The following STAG1 variants were observed in gnomAD, a reference collection of about 807,000 sequenced individuals.
STAG1 encodes STAG1 cohesin complex component, also known as cohesin subunit SA-1.
Under a neutral mutation model 170.9 loss-of-function variants are expected in STAG1, and 26 were observed. The ratio of observed to expected loss-of-function variants is 0.15; its 90% CI spans 0.11 to 0.21. STAG1 has a LOEUF of 0.21. Ranked by LOEUF, STAG1 falls within the 10% of genes least tolerant of loss-of-function variation. STAG1 has a pLI of 1.00. For missense variants in STAG1, 964 were observed against 1,509.5 expected (o/e 0.64, Z 5.99); for synonymous variants, 514 against 497.7 (o/e 1.03, Z -0.44).
rs551992495 is a variant in STAG1, at chr3:136,349,629, C to CT, written c.3066-267dup. On this transcript the variant is annotated intron_variant, in intron 28 of 33. Coordinates refer to ENST00000383202, the MANE Select transcript of STAG1 (RefSeq NM_005862.3). ...GGTCTTTCCTATATTTCTTCCTTTG[C>CT]TTTTAAACACCAATGTTAAAAAAAA... is the stretch of plus-strand genomic sequence containing the variant. 3.9e-5 allele frequency among the ~76,000 whole-genome samples: 6 copies of CT among 151,958 alleles called. No homozygotes were observed. In the East Asian group the frequency reaches 1.2e-3, roughly 29 times the overall value.
chr3:136,561,594 A>G (rs1936842045), intron 5 of STAG1, among the ~76,000 whole-genome samples: 2 of 152,216 alleles, frequency 1.3e-5, no homozygotes, highest in Admixed American at 1.3e-4. Flanking sequence ...TGCTTATAAT[A>G]GTTTTGCAAA....
chr3:136,739,866 T>C lies in STAG1; in HGVS notation c.-84+12329A>G, dbSNP rs117571509. ...ATATACATATATACACACACACACA[T>C]ACACACATATATATTACACAGGATA... On this transcript the variant is annotated intron_variant, in intron 1 of 33. Transcript: ENST00000383202. Among the ~76,000 whole-genome samples, 35 of 151,748 alleles carry C rather than the reference T, an allele frequency of 2.3e-4. No homozygotes were observed. In the East Asian group the frequency reaches 4.3e-3, roughly 19 times the overall value.
intron 1 of STAG1, among the ~76,000 whole-genome samples, chr3:136,727,241 T>C (rs796170342): frequency 1.2e-4 from 19 of 152,242 alleles, no homozygotes; most frequent in African/African-American, 3.4e-4. Flanking sequence ...CCTTAAGTAA[T>C]AGGCGAGCTG....
intron 6 of STAG1, among the ~76,000 whole-genome samples, chr3:136,536,275 T>C (rs913014356): frequency 7.2e-5 from 11 of 152,190 alleles, no homozygotes; most frequent in Admixed American, 5.2e-4. Flanking sequence ...AGTACAATTC[T>C]ATAACTTACT....
At chr3:136,518,732 G>A (rs112516299) in intron 7 of STAG1, among the ~76,000 whole-genome samples, 183 of 152,176 alleles carry the variant, frequency 1.2e-3, no homozygotes, top group African/African-American at 2.6e-3. Flanking sequence ...CCGTATAAAC[G>A]TATGTTGTTA....
intron 21 of STAG1, among the ~76,000 whole-genome samples, chr3:136,406,271 ATAT>A (rs1235666831): frequency 1.3e-5 from 2 of 152,186 alleles, no homozygotes; most frequent in Non-Finnish European, 2.9e-5. Flanking sequence ...TTTCAGGAAG[ATAT>A]TATGCTCAGT....
At chr3:136,622,553 A>T (rs574629003) in intron 3 of STAG1, among the ~76,000 whole-genome samples, 33 of 152,314 alleles carry the variant, frequency 2.2e-4, no homozygotes. Flanking sequence ...AGTTTCCATT[A>T]GAAGAATTTT....
chr3:136,654,569 C>T (rs1941315242), intron 1 of STAG1, among the ~76,000 whole-genome samples: 1 of 152,152 alleles, frequency 6.6e-6, no homozygotes, highest in Admixed American at 6.6e-5. Context: ...AAGCAGTCTG[C>T]AGATTCAATG....
intron 9 of STAG1, among the ~76,000 whole-genome samples, chr3:136,489,186 A>G (rs1361721252): frequency 6.6e-6 from 1 of 152,220 alleles, no homozygotes; most frequent in Non-Finnish European, 1.5e-5. Flanking sequence ...TTACAGCATA[A>G]AAGAATGATC....
At chr3:136,726,560 A>G (rs1371098843) in intron 1 of STAG1, among the ~76,000 whole-genome samples, 1 of 152,150 alleles carries the variant, frequency 6.6e-6, no homozygotes, top group Non-Finnish European at 1.5e-5. Context: ...AGTAGCTGGG[A>G]TCACAGGTGT....
chr3:136,736,824 C>T, intron 1 of STAG1: 1 of 1,583,814 alleles, frequency 6.3e-7, no homozygotes, highest in Non-Finnish European at 8.7e-7. Context: ...GGTTTTCCTT[C>T]CTTCTTTGTT....
chr3:136,611,438 C>T (rs577241540), intron 3 of STAG1, among the ~76,000 whole-genome samples: 3 of 151,886 alleles, frequency 2.0e-5, no homozygotes, highest in South Asian at 4.2e-4. Flanking sequence ...TGTAAGCCAT[C>T]GTGCCTGGCC....
At chr3:136,470,121 C>G (rs2089585749) in intron 12 of STAG1, among the ~76,000 whole-genome samples, 1 of 152,120 alleles carries the variant, frequency 6.6e-6, no homozygotes, top group African/African-American at 2.4e-5. Context: ...CAACAAAAGC[C>G]AAAACTGACA....
intron 1 of STAG1, among the ~76,000 whole-genome samples, chr3:136,685,501 CAT>C (rs1438665970): frequency 6.6e-6 from 1 of 152,124 alleles, no homozygotes; most frequent in Non-Finnish European, 1.5e-5. Context: ...TGAGTTGAAA[CAT>C]ATGTCCACAC....
chr3:136,359,073 T>C (rs938628738), intron 27 of STAG1, 75 bp downstream of exon 27: 3 of 1,174,048 alleles, frequency 2.6e-6, no homozygotes, highest in Middle Eastern at 2.1e-4. Context: ...ACTTTAAAAA[T>C]GGGTCATATA....
intron 13 of STAG1, among the ~76,000 whole-genome samples, chr3:136,461,335 A>T (rs765683659): frequency 5.9e-5 from 9 of 152,236 alleles, no homozygotes; most frequent in Non-Finnish European, 1.0e-4. Flanking sequence ...CAGAGCAGTT[A>T]GGCAAGAGAA....
chr3:136,392,863 AT>A (rs541064172), intron 22 of STAG1, among the ~76,000 whole-genome samples: 105 of 151,834 alleles, frequency 6.9e-4, no homozygotes, highest in African/African-American at 2.5e-3. Context: ...TTATATTACT[AT>A]TTTTGTATTT....
intron 24 of STAG1, among the ~76,000 whole-genome samples, 183 bp downstream of exon 24, chr3:136,368,925 G>A (rs900234431): frequency 1.3e-5 from 2 of 152,012 alleles, no homozygotes; most frequent in Non-Finnish European, 2.9e-5. Context: ...TCTGGGTTTG[G>A]AGCAATCCTC....
intron 1 of STAG1, among the ~76,000 whole-genome samples, chr3:136,714,928 A>G (rs1559967417): frequency 2.2e-5 from 2 of 92,208 alleles, no homozygotes; most frequent in South Asian, 6.6e-4. Context: ...AAAAACAAAT[A>G]TATATATTAA....
Sources: allele counts gnomAD v4.1 joint callset (sites outside exome capture counted in the v4.1 genomes callset), GRCh38; gene constraint gnomAD v4.1.1; transcripts MANE v1.5; gene names NCBI Gene and HGNC (gene_info 2026-07-23, HGNC 2026-07-21).